MAN2A1: variants seen among roughly 807,000 people sequenced by gnomAD.
MAN2A1 encodes alpha-mannosidase 2.
Under a neutral mutation model 142.6 loss-of-function variants are expected in MAN2A1, and 76 were observed. The observed-to-expected ratio is 0.53, with a 90% CI of 0.44 to 0.65. MAN2A1 has a LOEUF of 0.65. Among genes scored for constraint, MAN2A1 ranks in the 30% least tolerant of loss-of-function variants. The probability of loss-of-function intolerance (pLI) is 0.00; values close to 1 mark genes in which losing one functional copy is unlikely to be tolerated. For missense variants in MAN2A1, 1,311 were observed against 1,365.1 expected, an observed-to-expected ratio of 0.96 and a Z score of 0.62; for synonymous variants, 559 against 473.2, an observed-to-expected ratio of 1.18 and a Z score of -2.35.
chr5:109,745,052 A>G (rs1752362009), intron 4 of MAN2A1, among the ~76,000 whole-genome samples: 2 of 152,150 alleles, frequency 1.3e-5, no homozygotes, highest in African/African-American at 4.8e-5. Context: ...AGGAGACTCA[A>G]CTGATCTATT....
rs116059933 is a variant in MAN2A1, at chr5:109,705,177, C to T, written c.136-8343C>T. Among the ~76,000 whole-genome samples, 192 of 152,110 alleles carry T rather than the reference C, an allele frequency of 1.3e-3. 1 individual carries two copies. The highest frequency in any genetic ancestry group is 4.6e-3 in the African/African-American group (190 of 41,490). ...CCCATTCCTAACTCATCTTTCTTGT[C>T]ATTCTTTCATGTTCCTTCCCTTCCT... On this transcript the variant is annotated intron_variant, in intron 1 of 21. Coordinates refer to ENST00000261483, the MANE Select transcript of MAN2A1 (RefSeq NM_002372.4).
At chr5:109,771,507 C>T (rs1582880891) in intron 7 of MAN2A1, among the ~76,000 whole-genome samples, 1 of 152,032 alleles carries the variant, frequency 6.6e-6, no homozygotes, top group East Asian at 1.9e-4. Context: ...GTCATGGAGC[C>T]CTTCTATCAA....
intron 1 of MAN2A1, among the ~76,000 whole-genome samples, chr5:109,703,815 G>A (rs997422594): frequency 1.3e-5 from 2 of 152,188 alleles, no homozygotes; most frequent in African/African-American, 4.8e-5. Context: ...TCACTTTTAA[G>A]TGGTTATCTG....
At position 109,810,828 on chromosome 5, in the gene MAN2A1, A is replaced by G. The variant is rs1754296309; in HGVS notation, c.1944-6445A>G. Among the ~76,000 whole-genome samples, 4 of 152,188 alleles carry G rather than the reference A, an allele frequency of 2.6e-5. No homozygotes were observed. In the South Asian group the frequency reaches 8.3e-4, roughly 32 times the overall value. On this transcript the variant is annotated intron_variant, in intron 12 of 21. Transcript: ENST00000261483. ...TATCTGGCTTTTCTAGTTGGCTAGTAGAAGTGAGAGCTCTTGTTTGTTGAC... is the reference window on the plus strand; with the variant it reads ...TATCTGGCTTTTCTAGTTGGCTAGTGGAAGTGAGAGCTCTTGTTTGTTGAC...
At chr5:109,692,735 C>A (rs76675919) in intron 1 of MAN2A1, among the ~76,000 whole-genome samples, 2,853 of 145,498 alleles carry the variant, frequency 0.02, 32 homozygotes, top group Middle Eastern at 0.067. Context: ...CAGTGATCCT[C>A]AACCTTTTTG....
chr5:109,816,520 C>T (rs550887897), intron 12 of MAN2A1, among the ~76,000 whole-genome samples: 7 of 152,028 alleles, frequency 4.6e-5, no homozygotes, highest in Non-Finnish European at 8.8e-5. Flanking sequence ...TTTTTAGAAT[C>T]AACTTTCTTT....
At chr5:109,711,010 T>G (rs1192256920) in intron 1 of MAN2A1, among the ~76,000 whole-genome samples, 1 of 151,886 alleles carries the variant, frequency 6.6e-6, no homozygotes, top group Non-Finnish European at 1.5e-5. Context: ...GTATTTTTAG[T>G]AGAGATGGGG....
chr5:109,810,838 G>C (rs1479014814), intron 12 of MAN2A1, among the ~76,000 whole-genome samples: 2 of 152,116 alleles, frequency 1.3e-5, no homozygotes, highest in Admixed American at 6.5e-5. Flanking sequence ...AGAAGTGAGA[G>C]CTCTTGTTTG....
intron 5 of MAN2A1, among the ~76,000 whole-genome samples, chr5:109,760,456 G>T (rs942233068): frequency 2.6e-5 from 4 of 152,154 alleles, no homozygotes; most frequent in Non-Finnish European, 4.4e-5. Context: ...ATGTGCATGT[G>T]TCTTTATGGT....
chr5:109,789,193 A>T (rs1169014090), intron 11 of MAN2A1, 145 bp downstream of exon 11: 1 of 544,762 alleles, frequency 1.8e-6, no homozygotes, highest in African/African-American at 2.0e-5. Flanking sequence ...CACTTAATAT[A>T]AATTACCTGT....
intron 13 of MAN2A1, among the ~76,000 whole-genome samples, chr5:109,817,831 C>T (rs1054225416): frequency 3.9e-5 from 6 of 151,996 alleles, no homozygotes; most frequent in Admixed American, 3.3e-4. Flanking sequence ...CCCTTAGTAA[C>T]TTTGGATAGT....
Position 109,713,588 on chromosome 5 carries a change from CA to C in MAN2A1, c.205del (p.Ile69SerfsTer11). The C allele has an allele frequency of 6.2e-7, 1 of 1,613,450 alleles. No individual in the cohort carries two copies. The highest frequency in any genetic ancestry group is 1.3e-5 in the African/African-American group (1 of 75,020). On this transcript the variant is annotated frameshift_variant, in exon 2 of 22. Transcript: ENST00000261483. LOFTEE classifies it high-confidence loss of function. ...GTTTGCTAGCTGAGAATAATGAGAT[CA>C]TCTCAAATATTAGAGACTCAGTCAT... is the stretch of plus-strand genomic sequence containing the variant. The part of the protein sequence containing the change: ...ERLLAENNEI[I>X]SNIRDSVINL...
Position 109,773,258 on chromosome 5 carries a change from T to C in MAN2A1, c.1197-1530T>C, listed in dbSNP as rs141293863. Among the ~76,000 whole-genome samples, 150 of 152,316 alleles carry C rather than the reference T, an allele frequency of 9.8e-4. 1 individual carries two copies. The highest frequency in any genetic ancestry group is 3.5e-3 in the African/African-American group (146 of 41,568). ...CAGTGTTGACACTTTCTGGACAGGC[T>C]TGAGAGTTAGGATAGATGTGAAGTG... On this transcript the variant is annotated intron_variant, in intron 7 of 21. Transcript: ENST00000261483.
chr5:109,825,179 A>C (rs1019005500), intron 16 of MAN2A1, among the ~76,000 whole-genome samples: 2 of 152,178 alleles, frequency 1.3e-5, no homozygotes, highest in African/African-American at 4.8e-5. Flanking sequence ...ACTCTTGTGT[A>C]AGCCATTATT....
chr5:109,735,349 A>T (rs1752058296), intron 4 of MAN2A1, among the ~76,000 whole-genome samples: 1 of 152,168 alleles, frequency 6.6e-6, no homozygotes, highest in African/African-American at 2.4e-5. Flanking sequence ...GTGTCTTTTA[A>T]TTGGAGCATT....
intron 4 of MAN2A1, among the ~76,000 whole-genome samples, chr5:109,745,081 C>CA (rs1752363985): frequency 6.6e-6 from 1 of 151,922 alleles, no homozygotes; most frequent in East Asian, 1.9e-4. Flanking sequence ...AATGGAATGT[C>CA]AGAGTGTTTT....
At chr5:109,736,862 A>T (rs930610748) in intron 4 of MAN2A1, among the ~76,000 whole-genome samples, 5 of 152,104 alleles carry the variant, frequency 3.3e-5, no homozygotes, top group African/African-American at 1.2e-4. Context: ...TAATAAGTTC[A>T]TCTGTGTGTT....
chr5:109,797,860 T>G (rs1459715023), intron 12 of MAN2A1, among the ~76,000 whole-genome samples: 1 of 152,204 alleles, frequency 6.6e-6, no homozygotes, highest in African/African-American at 2.4e-5. Flanking sequence ...ACAGGAAGAC[T>G]ATGAAGTTTT....
At chr5:109,734,303 GA>G (rs71626619) in intron 4 of MAN2A1, among the ~76,000 whole-genome samples, 31,220 of 135,762 alleles carry the variant, frequency 0.23, 3,941 homozygotes, top group East Asian at 0.65. Context: ...TTGATCTTTT[GA>G]AAAAAAAAAA....
Sources: gnomAD v4.1 joint callset for allele counts (sites outside exome capture counted in the v4.1 genomes callset) on GRCh38, gnomAD v4.1.1 for gene constraint, MANE v1.5 for transcripts, NCBI Gene and HGNC (gene_info 2026-07-23, HGNC 2026-07-21) for gene names.